Variants in RBFOX1 observed in about 807,000 individuals in gnomAD.
RBFOX1 encodes the protein RNA binding fox-1 homolog 1, also known as RNA binding protein fox-1 homolog 1.
Under a neutral mutation model 57.7 loss-of-function variants are expected in RBFOX1, and 8 were observed. That is an observed-to-expected ratio of 0.14 (90% CI 0.08 to 0.25). The LOEUF (loss-of-function observed/expected upper bound fraction) is 0.25, where lower values mean the gene tolerates loss of function less well. Among genes scored for constraint, RBFOX1 ranks in the 10% least tolerant of loss-of-function variants. RBFOX1 has a pLI of 1.00. For missense variants in RBFOX1, 611 were observed against 548.5 expected (o/e 1.11, Z -1.14); for synonymous variants, 326 against 222.4 (o/e 1.47, Z -4.15).
chr16:5,990,516 C>G (rs1241977484), intron 4 of RBFOX1, among the ~76,000 whole-genome samples: 2 of 152,170 alleles, frequency 1.3e-5, no homozygotes, highest in East Asian at 3.9e-4. Context: ...TCTGCCCTCC[C>G]AAGGGATTTC....
At chr16:6,988,955 G>C (rs1054022217) in intron 3 of RBFOX1, among the ~76,000 whole-genome samples, 10 of 151,894 alleles carry the variant, frequency 6.6e-5, no homozygotes, top group African/African-American at 2.4e-4. Flanking sequence ...GTTGAGATGG[G>C]TTTTCCCATG....
chr16:5,308,047 G>GA (rs2063983897), intron 1 of RBFOX1, among the ~76,000 whole-genome samples: 1 of 152,120 alleles, frequency 6.6e-6, no homozygotes, highest in South Asian at 2.1e-4. Context: ...GGCTTACAAT[G>GA]AAAAATAACT....
At chr16:7,356,977 T>C (rs1218317751) in intron 4 of RBFOX1, among the ~76,000 whole-genome samples, 2 of 152,214 alleles carry the variant, frequency 1.3e-5, no homozygotes, top group African/African-American at 2.4e-5. Context: ...TTTGTGTGAA[T>C]GCTGAGGGCC....
intron 4 of RBFOX1, among the ~76,000 whole-genome samples, chr16:7,077,204 C>A (rs1477881597): frequency 6.6e-6 from 1 of 152,202 alleles, no homozygotes; most frequent in Non-Finnish European, 1.5e-5. Context: ...ATGCTCCAAT[C>A]AGGCTAGTCT....
chr16:7,630,451 A>G, intron 10 of RBFOX1, 152 bp from the exon 11 acceptor site: 1 of 1,487,358 alleles, frequency 6.7e-7, no homozygotes, highest in Non-Finnish European at 8.9e-7. Flanking sequence ...CCCTTTGGCT[A>G]AGGCAGGGGG....
intron 2 of RBFOX1, 90 bp downstream of exon 2, chr16:6,317,147 G>T (rs1357909540): frequency 2.1e-5 from 27 of 1,296,688 alleles, no homozygotes; most frequent in Non-Finnish European, 2.6e-5. Flanking sequence ...CTGCAGGTTT[G>T]AAGTTGTTAC....
At chr16:5,830,772 C>T (rs116048512) in intron 3 of RBFOX1, among the ~76,000 whole-genome samples, 3,252 of 152,266 alleles carry the variant, frequency 0.021, 113 homozygotes, top group African/African-American at 0.074. Context: ...CCACCATACC[C>T]TGTGGTTCTA....
intron 3 of RBFOX1, among the ~76,000 whole-genome samples, chr16:6,783,749 C>T (rs1166007309): frequency 3.3e-5 from 5 of 152,100 alleles, no homozygotes; most frequent in Non-Finnish European, 7.4e-5. Flanking sequence ...TTTAGACCTT[C>T]AGGTAATTTC....
Position 5,757,509 on chromosome 16 carries a change from C to A in RBFOX1, c.319-109794C>A, listed in dbSNP as rs183271949. ...CCTCCAAAAGTGCTGGGATTACAGG[C>A]ATGAGTCACCACACCCAGCCGGGTG... On this transcript the variant is annotated intron_variant, in intron 3 of 19. Transcript: ENST00000641259. 1.8e-3 allele frequency among the ~76,000 whole-genome samples: 270 copies of A among 152,186 alleles called. 3 individuals carry two copies. Among genetic ancestry groups the A allele is most frequent in the African/African-American group, 6.0e-3 (251 of 41,518 alleles).
At chr16:5,451,316 T>A (rs531780178) in intron 1 of RBFOX1, among the ~76,000 whole-genome samples, 1 of 152,090 alleles carries the variant, frequency 6.6e-6, no homozygotes, top group East Asian at 1.9e-4. Flanking sequence ...CAGAGAGCGA[T>A]GATTTGTAAT....
intron 3 of RBFOX1, among the ~76,000 whole-genome samples, chr16:7,031,835 C>A (rs978398211): frequency 6.6e-6 from 1 of 152,130 alleles, no homozygotes; most frequent in Non-Finnish European, 1.5e-5. Context: ...CCAACGTGGT[C>A]CTTGCTGGCC....
chr16:6,849,305 T>C (rs1177887712), intron 3 of RBFOX1, among the ~76,000 whole-genome samples: 1 of 152,130 alleles, frequency 6.6e-6, no homozygotes, highest in Non-Finnish European at 1.5e-5. Context: ...TTGGCAAAAA[T>C]CGTGTTCATT....
At chr16:7,575,058 G>C (rs1269217559) in intron 5 of RBFOX1, among the ~76,000 whole-genome samples, 1 of 150,388 alleles carries the variant, frequency 6.6e-6, no homozygotes, top group Non-Finnish European at 1.5e-5. Flanking sequence ...TTTGGGGGGG[G>C]CTGTGGGGGA....
At chr16:5,493,660 A>G (rs538161752) in intron 2 of RBFOX1, among the ~76,000 whole-genome samples, 1 of 152,218 alleles carries the variant, frequency 6.6e-6, no homozygotes, top group Non-Finnish European at 1.5e-5. Context: ...AGATTGATGG[A>G]GTAGCCTGGG....
rs1439927562 is a variant in RBFOX1 at position 6,884,822 on chromosome 16, C to T, written c.-15-167235C>T. Among the ~76,000 whole-genome samples, 4 of 152,158 alleles carry T rather than the reference C, an allele frequency of 2.6e-5. No homozygotes were observed. In the East Asian group the frequency reaches 7.7e-4, roughly 29 times the overall value. ...CTGAGGCAGGAGAATCTCTTGAACT[C>T]AGGAGGTGGAGGTGGCAGTCAGCCC... On this transcript the variant is annotated intron_variant, in intron 3 of 15. Coordinates refer to ENST00000550418, the MANE Select transcript of RBFOX1 (RefSeq NM_018723.4).
At chr16:7,439,471 C>T (rs2098748912) in intron 4 of RBFOX1, among the ~76,000 whole-genome samples, 1 of 152,100 alleles carries the variant, frequency 6.6e-6, no homozygotes, top group Non-Finnish European at 1.5e-5. Flanking sequence ...TGTCTGGACA[C>T]AATTTTTAAC....
chr16:7,505,672 A>G (rs577163881), intron 4 of RBFOX1, among the ~76,000 whole-genome samples: 83 of 152,254 alleles, frequency 5.5e-4, no homozygotes, highest in Middle Eastern at 3.4e-3. Flanking sequence ...CCTCACTGCA[A>G]GTCGACCGCC....
At chr16:7,377,414 C>G (rs1036293384) in intron 4 of RBFOX1, among the ~76,000 whole-genome samples, 8 of 152,112 alleles carry the variant, frequency 5.3e-5, no homozygotes, top group Non-Finnish European at 8.8e-5. Flanking sequence ...AGGTGACACA[C>G]AGGAAGAGTT....
intron 3 of RBFOX1, among the ~76,000 whole-genome samples, chr16:6,953,817 C>T (rs1024667083): frequency 7.2e-5 from 11 of 152,144 alleles, no homozygotes; most frequent in Non-Finnish European, 1.5e-5. Flanking sequence ...ACTGATAGAA[C>T]CGAGAAAAAT....
Sources: gnomAD v4.1 joint callset for allele counts (sites outside exome capture counted in the v4.1 genomes callset) on GRCh38, gnomAD v4.1.1 for gene constraint, MANE v1.5 for transcripts, NCBI Gene and HGNC (gene_info 2026-07-23, HGNC 2026-07-21) for gene names.